Variants in SYT1 observed in about 807,000 individuals in gnomAD.
SYT1 encodes the protein synaptotagmin 1.
A neutral mutation model predicts 44.8 loss-of-function variants in SYT1; 8 were observed. The ratio of observed to expected loss-of-function variants is 0.18; its 90% CI spans 0.10 to 0.32. The LOEUF is 0.32. Ranked by LOEUF, SYT1 falls within the 10% of genes least tolerant of loss-of-function variation. SYT1 has a pLI of 1.00. For synonymous variants in SYT1, 154 were observed against 188.8 expected, an observed-to-expected ratio of 0.82 and a Z score of 1.51; for missense variants, 286 against 509.3, an observed-to-expected ratio of 0.56 and a Z score of 4.22.
intron 4 of SYT1, among the ~76,000 whole-genome samples, chr12:79,268,699 G>C (rs1268011270): frequency 6.6e-6 from 1 of 152,180 alleles, no homozygotes; most frequent in Non-Finnish European, 1.5e-5. Flanking sequence ...GAGAAATAGA[G>C]CTATGTGGGA....
rs187959676 is a variant in SYT1 at position 78,880,884 on chromosome 12, T to C, written c.-217+15775T>C. Among the ~76,000 whole-genome samples, 274 of 151,826 alleles carry C rather than the reference T, an allele frequency of 1.8e-3. 2 individuals carry two copies. Among genetic ancestry groups the C allele is most frequent in the African/African-American group, 6.5e-3 (268 of 41,512 alleles). On this transcript the variant is annotated intron_variant, in intron 1 of 10. Transcript: ENST00000261205. ...TTTTCAGCTTAGCTATTTTCTGTCATCATCCAATCACCTTCATCCTACTGA... is the reference window on the plus strand; with the variant it reads ...TTTTCAGCTTAGCTATTTTCTGTCACCATCCAATCACCTTCATCCTACTGA...
intron 3 of SYT1, among the ~76,000 whole-genome samples, chr12:79,179,544 GAGATATA>G (rs1565842588): frequency 3.7e-4 from 9 of 24,336 alleles, no homozygotes; most frequent in African/African-American, 1.4e-3. Flanking sequence ...TATAGATATA[GAGATATA>G]GATATAGATT....
chr12:79,030,723 C>T (rs1872778082), intron 2 of SYT1, among the ~76,000 whole-genome samples: 2 of 151,132 alleles, frequency 1.3e-5, no homozygotes, highest in South Asian at 4.2e-4. Context: ...AACCAATATA[C>T]ATTATGAGTG....
chr12:79,372,851 C>T (rs941607523), intron 9 of SYT1, among the ~76,000 whole-genome samples: 15 of 145,824 alleles, frequency 1.0e-4, no homozygotes, highest in African/African-American at 3.8e-4. Flanking sequence ...TCCATCAGCA[C>T]GCACTGTGCA....
At chr12:79,153,490 A>C (rs946922871) in intron 3 of SYT1, among the ~76,000 whole-genome samples, 1 of 152,170 alleles carries the variant, frequency 6.6e-6, no homozygotes, top group South Asian at 2.1e-4. Context: ...GCTGTGGTTA[A>C]AAACTCAGTT....
intron 2 of SYT1, among the ~76,000 whole-genome samples, chr12:79,038,239 A>G (rs192656685): frequency 1.8e-3 from 277 of 151,378 alleles, no homozygotes; most frequent in Middle Eastern, 0.014. Context: ...ACATACATAT[A>G]TATATATAGT....
intron 2 of SYT1, among the ~76,000 whole-genome samples, chr12:78,987,113 G>C (rs1210884682): frequency 6.6e-6 from 1 of 151,930 alleles, no homozygotes; most frequent in Non-Finnish European, 1.5e-5. Flanking sequence ...CTGTTTGTTT[G>C]CAACTTTTAG....
intron 3 of SYT1, among the ~76,000 whole-genome samples, chr12:79,076,457 T>A (rs1234031144): frequency 6.6e-6 from 1 of 152,200 alleles, no homozygotes; most frequent in Non-Finnish European, 1.5e-5. Context: ...CTATTTTATA[T>A]GTTGTTACTC....
intron 2 of SYT1, among the ~76,000 whole-genome samples, chr12:79,027,874 A>G (rs1487129917): frequency 6.6e-6 from 1 of 151,412 alleles, no homozygotes; most frequent in Non-Finnish European, 1.5e-5. Context: ...ACTTCACATC[A>G]ACCACCGGCC....
intron 1 of SYT1, among the ~76,000 whole-genome samples, chr12:78,934,206 T>C (rs532905978): frequency 6.6e-6 from 1 of 151,830 alleles, no homozygotes; most frequent in South Asian, 2.1e-4. Context: ...CCTGTTGATA[T>C]GGTCTGGCTG....
At chr12:79,099,426 T>C (rs751451170) in intron 3 of SYT1, among the ~76,000 whole-genome samples, 4 of 152,184 alleles carry the variant, frequency 2.6e-5, no homozygotes, top group Non-Finnish European at 4.4e-5. Flanking sequence ...TAGAGAGAAA[T>C]AAAAATTAAT....
intron 3 of SYT1, among the ~76,000 whole-genome samples, chr12:79,068,792 T>C (rs1436947441): frequency 2.0e-5 from 3 of 152,200 alleles, no homozygotes; most frequent in East Asian, 3.9e-4. Context: ...GCCAGGAGAA[T>C]TGTTTGAACT....
At chr12:79,420,757 T>A (rs1358615192) in intron 9 of SYT1, among the ~76,000 whole-genome samples, 1 of 152,154 alleles carries the variant, frequency 6.6e-6, no homozygotes, top group Non-Finnish European at 1.5e-5. Flanking sequence ...AAACTATGCT[T>A]ATGTAAATGG....
At chr12:79,246,210 C>T (rs1047460311) in intron 4 of SYT1, among the ~76,000 whole-genome samples, 4 of 152,212 alleles carry the variant, frequency 2.6e-5, no homozygotes, top group Admixed American at 1.3e-4. Context: ...TTCCAAAAGA[C>T]GAGGCAATGT....
rs183812304 is a variant in SYT1, at chr12:79,178,973, T to G, written c.-17-38530T>G. On this transcript the variant is annotated intron_variant, in intron 3 of 10. Coordinates refer to ENST00000261205, the MANE Select transcript of SYT1 (RefSeq NM_005639.3). ...AGATATAGATATAGATATAGATATA[T>G]AGATATAGATATATCTATATAGATA... Among the ~76,000 whole-genome samples the G allele has an allele frequency of 5.1e-4, 52 of 101,706 alleles. 3 individuals carry two copies. The highest frequency in any genetic ancestry group is 2.9e-3 in the South Asian group (10 of 3,482). The allele number at this position is 101,706 out of a possible 152,430, so 66.7% of individuals were successfully genotyped here.
intron 10 of SYT1, among the ~76,000 whole-genome samples, chr12:79,446,348 A>G (rs1565961718): frequency 6.6e-6 from 1 of 152,044 alleles, no homozygotes; most frequent in Non-Finnish European, 1.5e-5. Context: ...AGATCTAACA[A>G]TAAGATTAAA....
intron 9 of SYT1, among the ~76,000 whole-genome samples, chr12:79,400,666 G>A (rs1268341224): frequency 3.9e-5 from 6 of 152,180 alleles, no homozygotes; most frequent in Non-Finnish European, 5.9e-5. Flanking sequence ...CACAACATCC[G>A]GCAGAACATA....
chr12:79,309,219 C>T lies in SYT1; in HGVS notation c.810+9668C>T, dbSNP rs113077467. On this transcript the variant is annotated intron_variant, in intron 8 of 10. Coordinates refer to ENST00000261205, the MANE Select transcript of SYT1 (RefSeq NM_005639.3). ...TGAAAAAAGGGCATGTACTCCAAAA[C>T]ATTTTTGTAGGTTCTTTGGCCAGGC... is the stretch of plus-strand genomic sequence containing the variant. Among the ~76,000 whole-genome samples, 12 of 152,296 alleles carry T rather than the reference C, an allele frequency of 7.9e-5. 1 individual carries two copies. The highest frequency in any genetic ancestry group is 2.9e-4 in the African/African-American group (12 of 41,566).
chr12:78,991,299 A>G (rs1392856746), intron 2 of SYT1, among the ~76,000 whole-genome samples: 1 of 152,124 alleles, frequency 6.6e-6, no homozygotes, highest in Non-Finnish European at 1.5e-5. Context: ...CTAAAGAAGA[A>G]ATTCATATAA....
Sources: gnomAD v4.1 joint callset for allele counts (sites outside exome capture counted in the v4.1 genomes callset) on GRCh38, gnomAD v4.1.1 for gene constraint, MANE v1.5 for transcripts, NCBI Gene and HGNC (gene_info 2026-07-23, HGNC 2026-07-21) for gene names.